Variants in RBFOX1 observed in about 807,000 individuals in gnomAD.
The protein encoded by RBFOX1 is RNA binding protein fox-1 homolog 1.
RBFOX1 carries 8 observed loss-of-function variants against 57.7 expected under a neutral mutation model. That is an observed-to-expected ratio of 0.14 (90% CI 0.08 to 0.25). RBFOX1 has a LOEUF of 0.25. RBFOX1 is among the 10% of genes least tolerant of loss of function. The pLI is 1.00. For synonymous variants in RBFOX1, 326 were observed against 222.4 expected (o/e 1.47, Z -4.15); for missense variants, 611 against 548.5 (o/e 1.11, Z -1.14).
chr16:5,960,023 AAACCCCGTCTCTACT>A (rs1286798283), intron 4 of RBFOX1, among the ~76,000 whole-genome samples: 2 of 152,144 alleles, frequency 1.3e-5, no homozygotes, highest in Non-Finnish European at 2.9e-5. Flanking sequence ...CAACATGGTG[AAACCCCGTCTCTACT>A]ATAAATAAAA....
chr16:5,387,981 C>G (rs904143935), intron 1 of RBFOX1, among the ~76,000 whole-genome samples: 2 of 151,866 alleles, frequency 1.3e-5, no homozygotes, highest in African/African-American at 4.8e-5. Flanking sequence ...GGACCACAAG[C>G]CAAGGAATGC....
At chr16:6,213,424 A>G (rs897389823) in intron 1 of RBFOX1, among the ~76,000 whole-genome samples, 1 of 152,002 alleles carries the variant, frequency 6.6e-6, no homozygotes, top group Admixed American at 6.6e-5. Flanking sequence ...CTGATTTACA[A>G]CCGGCAATAT....
chr16:5,578,240 G>A (rs192021553), intron 2 of RBFOX1, among the ~76,000 whole-genome samples: 1 of 152,100 alleles, frequency 6.6e-6, no homozygotes, highest in Non-Finnish European at 1.5e-5. Context: ...ATGAGCTGCC[G>A]TGCCTGCCCT....
intron 1 of RBFOX1, among the ~76,000 whole-genome samples, chr16:5,246,995 A>T (rs1454034383): frequency 2.0e-5 from 3 of 152,148 alleles, no homozygotes; most frequent in Admixed American, 6.5e-5. Flanking sequence ...TAGATTCCAC[A>T]TATAAGTGAG....
At chr16:6,058,028 A>G (rs182022171) in intron 1 of RBFOX1, among the ~76,000 whole-genome samples, 2 of 152,116 alleles carry the variant, frequency 1.3e-5, no homozygotes, top group African/African-American at 4.8e-5. Flanking sequence ...TCACACTTGA[A>G]AGGATGGCAG....
chr16:6,159,431 T>C (rs1479145815), intron 1 of RBFOX1, among the ~76,000 whole-genome samples: 8 of 152,122 alleles, frequency 5.3e-5, no homozygotes, highest in Non-Finnish European at 1.0e-4. Flanking sequence ...GTTGGAATAG[T>C]TGTGAGCAAA....
chr16:6,879,086 C>A (rs1046072370), intron 3 of RBFOX1, among the ~76,000 whole-genome samples: 8 of 152,114 alleles, frequency 5.3e-5, no homozygotes, highest in Non-Finnish European at 4.4e-5. Context: ...TTCAGAAAGC[C>A]AATGAGCTAA....
chr16:6,928,695 G>C (rs140535510), intron 3 of RBFOX1, among the ~76,000 whole-genome samples: 64 of 152,284 alleles, frequency 4.2e-4, no homozygotes, highest in South Asian at 8.3e-4. Context: ...TGTGAGGTCA[G>C]AGTGGTAAGT....
At chr16:7,553,951 G>T (rs748068860) in intron 5 of RBFOX1, among the ~76,000 whole-genome samples, 1 of 152,176 alleles carries the variant, frequency 6.6e-6, no homozygotes, top group African/African-American at 2.4e-5. Flanking sequence ...TAGGATTAAA[G>T]AATGTAAGAA....
chr16:5,760,655 C>T (rs750676132), intron 3 of RBFOX1, among the ~76,000 whole-genome samples: 1 of 152,180 alleles, frequency 6.6e-6, no homozygotes, highest in Non-Finnish European at 1.5e-5. Flanking sequence ...CAAAAGGCCA[C>T]ATCTTGTACA....
At chr16:7,066,226 T>C (rs368994922) in intron 4 of RBFOX1, among the ~76,000 whole-genome samples, 1 of 152,198 alleles carries the variant, frequency 6.6e-6, no homozygotes, top group Non-Finnish European at 1.5e-5. Context: ...CCATAGCTAA[T>C]TGTGGAGCTG....
At chr16:7,336,416 T>C (rs1002563023) in intron 4 of RBFOX1, among the ~76,000 whole-genome samples, 17 of 152,224 alleles carry the variant, frequency 1.1e-4, no homozygotes, top group African/African-American at 4.1e-4. Flanking sequence ...TTCATCCAGG[T>C]CTGACAGATG....
At chr16:6,460,007 A>AAAAAAAAAAAAAC (rs2094877695) in intron 2 of RBFOX1, among the ~76,000 whole-genome samples, 1 of 134,882 alleles carries the variant, frequency 7.4e-6, no homozygotes. Flanking sequence ...AAAAAAAAAA[A>AAAAAAAAAAAAAC]AAAAAAAAAA....
chr16:6,739,605 G>T (rs987307253), intron 3 of RBFOX1, among the ~76,000 whole-genome samples: 10 of 151,726 alleles, frequency 6.6e-5, no homozygotes. Flanking sequence ...GGCCAGGTGG[G>T]GTGGCTCATG....
In RBFOX1 at chr16:6,540,383, C is replaced by G. The variant is rs370356865; in HGVS notation, c.-63-114220C>G. On this transcript the variant is annotated intron_variant, in intron 2 of 15. Coordinates refer to ENST00000550418, the MANE Select transcript of RBFOX1 (RefSeq NM_018723.4). ...AATCCCAGCACTTTGGGAGGCTGAG[C>G]TGGGTGGGTTACAAGGTCAGGAGAT... 2.7e-4 allele frequency among the ~76,000 whole-genome samples: 41 copies of G among 151,530 alleles called. No individual in the cohort carries two copies. The East Asian group carries it at 4.1e-3, about 15-fold the overall frequency.
At chr16:7,445,618 A>G (rs1005288344) in intron 4 of RBFOX1, among the ~76,000 whole-genome samples, 16 of 152,204 alleles carry the variant, frequency 1.1e-4, no homozygotes, top group Admixed American at 1.0e-3. Flanking sequence ...CCTGCACAGA[A>G]TCCAGAGAAC....
At chr16:5,396,961 C>T (rs1005896202) in intron 1 of RBFOX1, among the ~76,000 whole-genome samples, 3 of 152,196 alleles carry the variant, frequency 2.0e-5, no homozygotes, top group African/African-American at 7.2e-5. Flanking sequence ...GTTTATACCT[C>T]CCAGCCTTCC....
chr16:7,014,868 G>C (rs1254791465), intron 3 of RBFOX1, among the ~76,000 whole-genome samples: 2 of 152,018 alleles, frequency 1.3e-5, no homozygotes. Context: ...GAGATTACAG[G>C]CATGTGCCAC....
intron 5 of RBFOX1, among the ~76,000 whole-genome samples, chr16:7,572,173 A>ATT: frequency 6.6e-6 from 1 of 152,292 alleles, no homozygotes; most frequent in East Asian, 1.9e-4. Context: ...GATCACGATA[A>ATT]TTATGTCCCC....
Sources: allele counts gnomAD v4.1 joint callset (sites outside exome capture counted in the v4.1 genomes callset), GRCh38; gene constraint gnomAD v4.1.1; transcripts MANE v1.5; gene names NCBI Gene and HGNC (gene_info 2026-07-23, HGNC 2026-07-21).